The following MACROD2 variants were observed in gnomAD, a reference collection of about 807,000 sequenced individuals.
MACROD2 encodes ADP-ribose glycohydrolase MACROD2.
In MACROD2, 36 loss-of-function variants were observed where a neutral mutation model predicts 70.4. That is an observed-to-expected ratio of 0.51 (90% CI 0.39 to 0.68). MACROD2 has a LOEUF of 0.68. Among genes scored for constraint, MACROD2 ranks in the 30% least tolerant of loss-of-function variants. MACROD2 has a pLI of 0.00. For missense variants in MACROD2, 496 were observed against 538.4 expected (o/e 0.92, Z 0.78); for synonymous variants, 172 against 178.8 (o/e 0.96, Z 0.30).
intron 5 of MACROD2, among the ~76,000 whole-genome samples, chr20:14,806,908 A>G (rs1280377839): frequency 6.6e-6 from 1 of 152,108 alleles, no homozygotes; most frequent in East Asian, 1.9e-4. Context: ...CTCTCTGGGC[A>G]GGGCATCTCT....
At chr20:15,514,494 C>G (rs2047541450) in intron 8 of MACROD2, among the ~76,000 whole-genome samples, 2 of 152,146 alleles carry the variant, frequency 1.3e-5, no homozygotes, top group Admixed American at 1.3e-4. Context: ...AGGCTTGTAG[C>G]TTAGGAGCAA....
At chr20:15,100,776 G>T (rs2075866240) in intron 5 of MACROD2, among the ~76,000 whole-genome samples, 1 of 152,120 alleles carries the variant, frequency 6.6e-6, no homozygotes, top group Non-Finnish European at 1.5e-5. Context: ...TGACTCATTA[G>T]CTGGGATGGT....
At chr20:15,567,976 C>T (rs1455755521) in intron 8 of MACROD2, among the ~76,000 whole-genome samples, 3 of 152,270 alleles carry the variant, frequency 2.0e-5, no homozygotes, top group East Asian at 1.9e-4. Context: ...CAGCTAAATA[C>T]GTCTGTGGGT....
chr20:15,033,329 T>C (rs556168446), intron 5 of MACROD2, among the ~76,000 whole-genome samples: 4 of 152,286 alleles, frequency 2.6e-5, no homozygotes, highest in African/African-American at 9.6e-5. Flanking sequence ...GAAAAATCAG[T>C]CTCTTGCTAT....
chr20:15,450,043 T>G (rs188850063), intron 7 of MACROD2, among the ~76,000 whole-genome samples: 1 of 152,052 alleles, frequency 6.6e-6, no homozygotes, highest in Non-Finnish European at 1.5e-5. Context: ...ACAACAGATA[T>G]TAAGCCATTG....
chr20:15,697,394 T>A (rs947498257), intron 8 of MACROD2, among the ~76,000 whole-genome samples: 3 of 152,198 alleles, frequency 2.0e-5, no homozygotes, highest in Admixed American at 6.5e-5. Context: ...AGTTCCAAAT[T>A]TATTCCACTG....
intron 3 of MACROD2, among the ~76,000 whole-genome samples, chr20:14,364,253 C>A (rs1413790639): frequency 1.3e-5 from 2 of 152,158 alleles, no homozygotes; most frequent in East Asian, 3.8e-4. Flanking sequence ...CAAGTTACTG[C>A]AAAGCTTATA....
At chr20:15,539,274 A>T (rs1377278204) in intron 8 of MACROD2, among the ~76,000 whole-genome samples, 1 of 152,234 alleles carries the variant, frequency 6.6e-6, no homozygotes, top group Admixed American at 6.5e-5. Flanking sequence ...CTCTAAAATG[A>T]GAGAGATTCA....
intron 3 of MACROD2, among the ~76,000 whole-genome samples, chr20:14,252,922 T>C (rs1269129245): frequency 2.0e-5 from 3 of 152,078 alleles, no homozygotes; most frequent in African/African-American, 7.2e-5. Flanking sequence ...AATTTTATTC[T>C]CCCTTGTCAT....
intron 3 of MACROD2, among the ~76,000 whole-genome samples, chr20:14,186,603 C>T (rs756291783): frequency 2.0e-5 from 3 of 152,146 alleles, no homozygotes; most frequent in Non-Finnish European, 4.4e-5. Flanking sequence ...TGGGTATATA[C>T]CCAAACGAAA....
chr20:15,033,925 A>G (rs539886136), intron 5 of MACROD2, among the ~76,000 whole-genome samples: 1 of 152,320 alleles, frequency 6.6e-6, no homozygotes, highest in East Asian at 1.9e-4. Context: ...CCAACGTTTT[A>G]TTAATGAATG....
At chr20:15,918,265 C>A (rs979538984) in intron 10 of MACROD2, among the ~76,000 whole-genome samples, 22 of 152,238 alleles carry the variant, frequency 1.4e-4, no homozygotes, top group African/African-American at 5.1e-4. Flanking sequence ...CATAATGTTT[C>A]TTCCTGAAAT....
At chr20:15,535,719 G>A (rs182630664) in intron 8 of MACROD2, among the ~76,000 whole-genome samples, 8 of 151,954 alleles carry the variant, frequency 5.3e-5, no homozygotes, top group African/African-American at 9.6e-5. Flanking sequence ...CCAATCCCGC[G>A]TCTCCCACCT....
chr20:14,783,407 T>C (rs1468904845), intron 5 of MACROD2, among the ~76,000 whole-genome samples: 1 of 152,196 alleles, frequency 6.6e-6, no homozygotes, highest in Non-Finnish European at 1.5e-5. Flanking sequence ...ACATCTCTTA[T>C]TTTGTTGTGT....
intron 3 of MACROD2, among the ~76,000 whole-genome samples, chr20:14,482,122 T>A (rs1047077425): frequency 6.6e-6 from 1 of 152,170 alleles, no homozygotes; most frequent in African/African-American, 2.4e-5. Flanking sequence ...AAGAAGTTAG[T>A]TCGAACTTCT....
intron 3 of MACROD2, among the ~76,000 whole-genome samples, chr20:14,410,141 A>C (rs563739343): frequency 4.1e-4 from 62 of 152,116 alleles, no homozygotes; most frequent in Middle Eastern, 3.4e-3. Context: ...TTTCTATCAA[A>C]CTGTAGCATG....
intron 15 of MACROD2, among the ~76,000 whole-genome samples, chr20:16,008,135 C>T (rs928807435): frequency 6.6e-6 from 1 of 152,158 alleles, no homozygotes; most frequent in African/African-American, 2.4e-5. Flanking sequence ...CCCAGCTTTG[C>T]TCTGCAGAGG....
chr20:14,593,435 TTTGGAA>T (rs1351913047), intron 4 of MACROD2, among the ~76,000 whole-genome samples: 1 of 152,138 alleles, frequency 6.6e-6, no homozygotes, highest in African/African-American at 2.4e-5. Context: ...TACTCAGTAG[TTTGGAA>T]ATGTAACTGT....
chr20:14,332,376 A>G (rs1309312501), intron 3 of MACROD2, among the ~76,000 whole-genome samples: 2 of 152,132 alleles, frequency 1.3e-5, no homozygotes, highest in African/African-American at 2.4e-5. Context: ...GCTTGCGGCA[A>G]TCTACATGTT....
Sources: allele counts gnomAD v4.1 joint callset (sites outside exome capture counted in the v4.1 genomes callset), GRCh38; gene constraint gnomAD v4.1.1; transcripts MANE v1.5; gene names NCBI Gene and HGNC (gene_info 2026-07-23, HGNC 2026-07-21).